The following CFAP44 variants were observed in gnomAD, a reference collection of about 807,000 sequenced individuals.
CFAP44 encodes the protein cilia- and flagella-associated protein 44.
CFAP44 carries 134 observed loss-of-function variants against 216.2 expected under a neutral mutation model. The ratio of observed to expected loss-of-function variants is 0.62; its 90% CI spans 0.54 to 0.72. CFAP44 has a LOEUF of 0.72. Among genes scored for constraint, CFAP44 ranks in the 30% least tolerant of loss-of-function variants. The probability of loss-of-function intolerance (pLI) is 0.00; values close to 1 mark genes in which losing one functional copy is unlikely to be tolerated. For missense variants in CFAP44, 2,035 were observed against 2,182.1 expected (o/e 0.93, Z 1.34); for synonymous variants, 700 against 727.6 (o/e 0.96, Z 0.61).
At chr3:113,428,977 C>T (rs60329418) in intron 2 of CFAP44, 31,833 of 151,960 alleles carry the variant, frequency 0.21, 3,946 homozygotes, top group East Asian at 0.48. Context: ...CCTCTGTGAT[C>T]CTTATTTACC....
At chr3:113,305,212 T>C in intron 30 of CFAP44, 60 bp from the exon 31 acceptor site, 5 of 1,415,474 alleles carry the variant, frequency 3.5e-6, no homozygotes, top group Non-Finnish European at 4.8e-6. Flanking sequence ...CATCTAAAGA[T>C]GGTGAATGAA....
Position 113,433,596 on chromosome 3 carries a change from C to T in CFAP44, c.69G>A (p.Lys23=), listed in dbSNP as rs775268858. ...KSVTSKSDGK[K]SLRSSKSESR... Reference sequence around the variant, plus strand: ...ATTCTGATTTAGAAGACCTCAGAGACTTCTTCCCATCACTCTTTGATGTAA... The same window carrying T: ...ATTCTGATTTAGAAGACCTCAGAGATTTCTTCCCATCACTCTTTGATGTAA... The change falls in exon 2 of 35, where the codon AAG becomes AAA. Residue 23 remains lysine (K), a synonymous_variant. Transcript: ENST00000393845. The T allele has an allele frequency of 1.9e-6, 3 of 1,613,070 alleles. No individual in the cohort carries two copies. The Admixed American group carries it at 5.0e-5, about 27-fold the overall frequency.
chr3:113,396,085 A>T (rs1933982936), intron 14 of CFAP44, among the ~76,000 whole-genome samples: 1 of 152,250 alleles, frequency 6.6e-6, no homozygotes, highest in Admixed American at 6.5e-5. Flanking sequence ...TGATCACCAT[A>T]CTTTCAGAAA....
chr3:113,416,495 T>A, intron 6 of CFAP44, 30 bp downstream of exon 6: 1 of 1,499,072 alleles, frequency 6.7e-7, no homozygotes, highest in African/African-American at 1.4e-5. Flanking sequence ...TCCTTGAACA[T>A]GAAATATTTA....
chr3:113,398,470 T>C (rs944847113), intron 13 of CFAP44, among the ~76,000 whole-genome samples: 1 of 152,200 alleles, frequency 6.6e-6, no homozygotes, highest in African/African-American at 2.4e-5. Flanking sequence ...ATTACTCGAA[T>C]ATAAGCCTAA....
intron 33 of CFAP44, among the ~76,000 whole-genome samples, chr3:113,296,342 A>G (rs755324990): frequency 5.3e-5 from 8 of 152,128 alleles, no homozygotes; most frequent in Non-Finnish European, 1.0e-4. Context: ...TCATTTTCTC[A>G]TTGTGGTTTT....
Position 113,291,580 on chromosome 3 carries a change from C to T in CFAP44, c.5542G>A (p.Glu1848Lys). The change falls in exon 35 of 35, where the codon GAG becomes AAG. Residue 1848 changes from glutamate to lysine, a missense_variant. By Grantham distance (56) the Glu-to-Lys change is moderately conservative (BLOSUM62 1). Coordinates refer to ENST00000393845, the MANE Select transcript of CFAP44 (RefSeq NM_001164496.2). The part of the protein sequence containing the change: ...LPPIQSPREK[E>K]IQPADL ...ACTCAAAGGTCTGCGGGCTGTATCTCTTTCTCTCGTGGAGACTGAATGGGT... is the reference window on the plus strand; with the variant it reads ...ACTCAAAGGTCTGCGGGCTGTATCTTTTTCTCTCGTGGAGACTGAATGGGT... 1 of 1,537,228 alleles carries T rather than the reference C, an allele frequency of 6.5e-7. No individual in the cohort carries two copies. The highest frequency in any genetic ancestry group is 8.7e-7 in the Non-Finnish European group (1 of 1,146,908).
At position 113,363,534 on chromosome 3, in the gene CFAP44, T is replaced by C; in HGVS notation, c.2716-2A>G. ...AATTGGCTCTGTTTCAATTCCAAAC[T>C]ATAGGAAGGGAAGTAAAAGGTTAGC... On this transcript the variant is annotated splice_acceptor_variant, in intron 19 of 34. Coordinates refer to ENST00000393845, the MANE Select transcript of CFAP44 (RefSeq NM_001164496.2). LOFTEE classifies it high-confidence loss of function. 6.2e-7 allele frequency: 1 copy of C among 1,607,486 alleles called. No individual in the cohort carries two copies.
intron 22 of CFAP44, among the ~76,000 whole-genome samples, chr3:113,350,355 T>A: frequency 3.0e-3 from 343 of 113,048 alleles, no homozygotes; most frequent in South Asian, 3.4e-3. Flanking sequence ...AAAGAGAGAG[T>A]CAGAGAGAGA....
chr3:113,330,040 G>T (rs1365714605), intron 26 of CFAP44, 128 bp downstream of exon 26: 4 of 1,172,984 alleles, frequency 3.4e-6, no homozygotes, highest in Non-Finnish European at 4.6e-6. Flanking sequence ...TCACTGAGTG[G>T]TAAGCTGGTC....
chr3:113,414,497 T>C (rs1934586294), intron 6 of CFAP44, among the ~76,000 whole-genome samples: 1 of 152,232 alleles, frequency 6.6e-6, no homozygotes, highest in South Asian at 2.1e-4. Flanking sequence ...GCTGTGGGTT[T>C]GTCATAAATA....
At chr3:113,416,426 G>T in intron 6 of CFAP44, 99 bp downstream of exon 6, 1 of 925,610 alleles carries the variant, frequency 1.1e-6, no homozygotes, top group Non-Finnish European at 1.7e-6. Flanking sequence ...CACTAGTTCT[G>T]TTTCTCTGGA....
chr3:113,365,919 A>G, intron 19 of CFAP44, 120 bp downstream of exon 19: 1 of 1,122,828 alleles, frequency 8.9e-7, no homozygotes, highest in Non-Finnish European at 1.2e-6. Context: ...TAGCAGGAAG[A>G]TTAGACCATA....
chr3:113,322,602 G>T (rs1327977335), intron 28 of CFAP44, among the ~76,000 whole-genome samples: 1 of 152,164 alleles, frequency 6.6e-6, no homozygotes, highest in Non-Finnish European at 1.5e-5. Context: ...GTGAGGCTAT[G>T]GAGAAATGGG....
chr3:113,308,288 T>C lies in CFAP44; in HGVS notation c.4517-20A>G, dbSNP rs1458560113. 12 of 1,494,562 alleles carry C rather than the reference T, an allele frequency of 8.0e-6. No homozygotes were observed. The highest frequency in any genetic ancestry group is 1.1e-5 in the Non-Finnish European group (12 of 1,126,720). 92.6% of individuals were successfully genotyped at this position (1,494,562 alleles called of 1,614,324 possible). Reference sequence around the variant, plus strand: ...CTTCATCTATGGAAAGAGGAGGGCATTGTTAACAAAGAAGCTTCTATATTA... The same window carrying C: ...CTTCATCTATGGAAAGAGGAGGGCACTGTTAACAAAGAAGCTTCTATATTA... On this transcript the variant is annotated intron_variant, in intron 28 of 34. Coordinates refer to ENST00000393845, the MANE Select transcript of CFAP44 (RefSeq NM_001164496.2).
At chr3:113,315,707 A>G (rs1373435730) in intron 28 of CFAP44, among the ~76,000 whole-genome samples, 1 of 152,230 alleles carries the variant, frequency 6.6e-6, no homozygotes, top group Non-Finnish European at 1.5e-5. Context: ...TGCATTTGGT[A>G]GAAACCAGAC....
intron 34 of CFAP44, chr3:113,294,220 C>T (rs2107785483): frequency 3.5e-6 from 1 of 285,212 alleles, no homozygotes; most frequent in East Asian, 9.5e-5. Context: ...GTATTAAGTA[C>T]AATGTTAGGC....
chr3:113,331,462 A>G (rs1178622675), intron 25 of CFAP44, among the ~76,000 whole-genome samples: 2 of 151,946 alleles, frequency 1.3e-5, no homozygotes, highest in Non-Finnish European at 2.9e-5. Context: ...ACAGTTTTTT[A>G]AAGATCAAAA....
intron 24 of CFAP44, among the ~76,000 whole-genome samples, chr3:113,339,209 C>T (rs1421576169): frequency 6.6e-6 from 1 of 152,118 alleles, no homozygotes; most frequent in Admixed American, 6.5e-5. Context: ...GTGCAGAGGG[C>T]TATGAGAGGT....
Sources: gnomAD v4.1 joint callset for allele counts (sites outside exome capture counted in the v4.1 genomes callset) on GRCh38, gnomAD v4.1.1 for gene constraint, MANE v1.5 for transcripts, NCBI Gene and HGNC (gene_info 2026-07-23, HGNC 2026-07-21) for gene names.